BRF1: variants seen among roughly 807,000 people sequenced by gnomAD.
The protein encoded by BRF1 is BRF1 general transcription factor IIIB subunit.
Under a neutral mutation model 81.7 loss-of-function variants are expected in BRF1, and 59 were observed. The ratio of observed to expected loss-of-function variants is 0.72; its 90% CI spans 0.59 to 0.90. BRF1 has a LOEUF of 0.90. Among genes scored for constraint, BRF1 ranks in the 40% least tolerant of loss-of-function variants. The pLI is 0.00. For missense variants in BRF1, 1,050 were observed against 936.3 expected (o/e 1.12, Z -1.58); for synonymous variants, 491 against 395.6 (o/e 1.24, Z -2.86).
At chr14:105,277,558 A>G (rs1046515964) in intron 2 of BRF1, among the ~76,000 whole-genome samples, 5 of 139,218 alleles carry the variant, frequency 3.6e-5, no homozygotes, top group Non-Finnish European at 7.9e-5. Context: ...AGTGAGAAGG[A>G]GCTGAGAGGC....
chr14:105,280,178 G>A (rs750736532), intron 2 of BRF1, among the ~76,000 whole-genome samples: 12 of 152,216 alleles, frequency 7.9e-5, no homozygotes, highest in Admixed American at 2.6e-4. Context: ...CAACTGTGGC[G>A]CACCTAGGCG....
Position 105,257,444 on chromosome 14 carries a change from G to A in BRF1, c.440-895C>T, listed in dbSNP as rs587665610. On this transcript the variant is annotated intron_variant, in intron 3 of 17. Transcript: ENST00000547530. ...TCCACGCCCTGGGCTGGAGGCCCCT[G>A]ACCTCTCTTGCAACTCCATGCAGAA... is the stretch of plus-strand genomic sequence containing the variant. 9.8e-5 allele frequency among the ~76,000 whole-genome samples: 15 copies of A among 152,326 alleles called. No homozygotes were observed. In the South Asian group the frequency reaches 3.1e-3, roughly 32 times the overall value.
At chr14:105,257,753 T>C (rs997645302) in intron 3 of BRF1, among the ~76,000 whole-genome samples, 26 of 152,106 alleles carry the variant, frequency 1.7e-4, no homozygotes, top group African/African-American at 6.0e-4. Flanking sequence ...GAAACGCCCG[T>C]GACAGCCAAC....
At chr14:105,308,513 T>C (rs2058257478) in intron 1 of BRF1, among the ~76,000 whole-genome samples, 1 of 149,344 alleles carries the variant, frequency 6.7e-6, no homozygotes, top group Non-Finnish European at 1.5e-5. Flanking sequence ...GATGGAGTCT[T>C]GCTCTGTCGT....
chr14:105,260,077 T>TGC (rs1335568297), intron 3 of BRF1, among the ~76,000 whole-genome samples: 1 of 152,220 alleles, frequency 6.6e-6, no homozygotes, highest in African/African-American at 2.4e-5. Flanking sequence ...CACAGAGCCC[T>TGC]GCTCTGGGCT....
chr14:105,217,884 G>A (rs1275500322), intron 14 of BRF1, 84 bp from the exon 15 acceptor site: 2 of 1,557,186 alleles, frequency 1.3e-6, no homozygotes, highest in South Asian at 1.2e-5. Flanking sequence ...GGCCAGGAGT[G>A]CAGGCGGGTG....
upstream of BRF1, among the ~76,000 whole-genome samples, chr14:105,304,519 T>TA (rs1340050777): frequency 6.7e-6 from 1 of 149,902 alleles, no homozygotes; most frequent in African/African-American, 2.5e-5. Context: ...AAATAAAATA[T>TA]AAAAAAGGGT....
rs587652601 is a variant in BRF1, at chr14:105,228,522, C to T, written c.788+298G>A. ...TCACGCTATTGCACTCCAGCCTAAG[C>T]GACAGAGCAAGGCTGTTCCTCAAAA... On this transcript the variant is annotated intron_variant, in intron 7 of 17. Coordinates refer to ENST00000547530, the MANE Select transcript of BRF1 (RefSeq NM_001519.4). Among the ~76,000 whole-genome samples, 110 of 148,612 alleles carry T rather than the reference C, an allele frequency of 7.4e-4. 1 individual carries two copies. In the Middle Eastern group the frequency reaches 0.017, roughly 23 times the overall value.
At chr14:105,219,444 G>GA (rs2141457082) in intron 12 of BRF1, 1 of 1,083,996 alleles carries the variant, frequency 9.2e-7, no homozygotes, top group East Asian at 2.6e-5. Flanking sequence ...CAACCACGCA[G>GA]GCCACATGTG....
At chr14:105,313,516 C>T (rs1055058913) in intron 1 of BRF1, among the ~76,000 whole-genome samples, 1 of 152,186 alleles carries the variant, frequency 6.6e-6, no homozygotes, top group Non-Finnish European at 1.5e-5. Flanking sequence ...TTTAAGCAGT[C>T]GCAGCTGTTT....
intron 1 of BRF1, among the ~76,000 whole-genome samples, chr14:105,292,813 C>A (rs990338380): frequency 3.9e-5 from 6 of 151,932 alleles, no homozygotes; most frequent in Admixed American, 2.0e-4. Flanking sequence ...CAGGCACAGA[C>A]CCTTCCCAGG....
intron 15 of BRF1, among the ~76,000 whole-genome samples, chr14:105,215,619 GCA>G (rs587637381): frequency 1.0e-4 from 13 of 129,434 alleles, no homozygotes; most frequent in Non-Finnish European, 1.5e-4. Context: ...ACAGAAACAG[GCA>G]CACACACACT....
chr14:105,259,680 C>T (rs1346447375), intron 3 of BRF1, among the ~76,000 whole-genome samples: 7 of 152,184 alleles, frequency 4.6e-5, no homozygotes, highest in African/African-American at 1.7e-4. Context: ...GAGGCCAAGG[C>T]GGGCAGTCAC....
chr14:105,273,627 G>A (rs1345250142), intron 2 of BRF1, among the ~76,000 whole-genome samples: 2 of 152,202 alleles, frequency 1.3e-5, no homozygotes, highest in Non-Finnish European at 2.9e-5. Context: ...GGAGCTCACA[G>A]AAACCTGTGC....
At chr14:105,302,208 T>C (rs1006835502), upstream of BRF1, among the ~76,000 whole-genome samples, 10 of 149,820 alleles carry the variant, frequency 6.7e-5, no homozygotes, top group African/African-American at 1.5e-4. Flanking sequence ...TTCTTTCTTT[T>C]TTTTTTTTTT....
chr14:105,300,715 G>A lies in BRF1; in HGVS notation c.-86C>T, dbSNP rs2057976552. ...CGGAGCAGCCCGCGCCGCCCGCCCA[G>A]GCCCAGCCGCCCAGGCCTCGCCGCT... On this transcript the variant is annotated 5_prime_UTR_variant, in exon 1 of 18. Coordinates refer to ENST00000547530, the MANE Select transcript of BRF1 (RefSeq NM_001519.4). 1.8e-6 allele frequency: 2 copies of A among 1,096,618 alleles called. No homozygotes were observed. The highest frequency in any genetic ancestry group is 2.3e-6 in the Non-Finnish European group (2 of 870,158). 67.9% of individuals were successfully genotyped at this position (1,096,618 alleles called of 1,614,324 possible).
intron 1 of BRF1, among the ~76,000 whole-genome samples, chr14:105,298,315 A>G (rs949362575): frequency 1.3e-5 from 2 of 152,232 alleles, no homozygotes; most frequent in African/African-American, 4.8e-5. Context: ...GACTCACAAT[A>G]TCTGATTTCA....
At chr14:105,264,225 C>T (rs2056295686) in intron 3 of BRF1, among the ~76,000 whole-genome samples, 1 of 152,034 alleles carries the variant, frequency 6.6e-6, no homozygotes, top group Admixed American at 6.6e-5. Context: ...AATCCTAGCA[C>T]GTTGGGAGGC....
intron 15 of BRF1, among the ~76,000 whole-genome samples, chr14:105,215,618 G>A (rs1445338123): frequency 7.4e-6 from 1 of 135,300 alleles, no homozygotes; most frequent in Non-Finnish European, 1.6e-5. Context: ...CACAGAAACA[G>A]GCACACACAC....
Sources: gnomAD v4.1 joint callset for allele counts (sites outside exome capture counted in the v4.1 genomes callset) on GRCh38, gnomAD v4.1.1 for gene constraint, MANE v1.5 for transcripts, NCBI Gene and HGNC (gene_info 2026-07-23, HGNC 2026-07-21) for gene names.